The following MAGI2 variants were observed in gnomAD, a reference collection of about 807,000 sequenced individuals.
The protein encoded by MAGI2 is membrane-associated guanylate kinase, WW and PDZ domain-containing protein 2.
MAGI2 carries 35 observed loss-of-function variants against 133.3 expected under a neutral mutation model. The observed-to-expected ratio is 0.26, with a 90% confidence interval of 0.20 to 0.35. The LOEUF (loss-of-function observed/expected upper bound fraction) is 0.35, where lower values mean the gene tolerates loss of function less well. Among genes scored for constraint, MAGI2 ranks in the 10% least tolerant of loss-of-function variants. The pLI is 1.00. For synonymous variants in MAGI2, 729 were observed against 710.6 expected (o/e 1.03, Z -0.41); for missense variants, 1,636 against 1,863.4 (o/e 0.88, Z 2.25).
chr7:78,851,834 C>G (rs971094687), intron 2 of MAGI2, among the ~76,000 whole-genome samples: 125 of 152,250 alleles, frequency 8.2e-4, no homozygotes, highest in African/African-American at 2.9e-3. Context: ...CCTTTGCAAA[C>G]AGTGCAGCTA....
intron 1 of MAGI2, among the ~76,000 whole-genome samples, chr7:79,027,801 A>C (rs542735298): frequency 6.6e-6 from 1 of 152,278 alleles, no homozygotes; most frequent in South Asian, 2.1e-4. Flanking sequence ...TAGAATTATA[A>C]GTTGTCAATA....
chr7:79,274,497 T>G (rs6946286), intron 1 of MAGI2, among the ~76,000 whole-genome samples: 91,114 of 151,606 alleles, frequency 0.6, 29,129 homozygotes, highest in Non-Finnish European at 0.7. Flanking sequence ...AGGAACCAGA[T>G]TAGGAAATGT....
chr7:78,453,537 A>T (rs893418772), intron 6 of MAGI2, among the ~76,000 whole-genome samples: 1 of 152,102 alleles, frequency 6.6e-6, no homozygotes, highest in African/African-American at 2.4e-5. Context: ...TTTGCTCTGT[A>T]TGTGCCCTCA....
chr7:78,609,282 G>A (rs934256607), intron 3 of MAGI2, among the ~76,000 whole-genome samples: 35 of 152,108 alleles, frequency 2.3e-4, no homozygotes, highest in Admixed American at 1.1e-3. Context: ...TCCACTCCTT[G>A]TCAACTTGAA....
intron 20 of MAGI2, among the ~76,000 whole-genome samples, chr7:78,114,850 C>G (rs1442679732): frequency 6.6e-6 from 1 of 152,128 alleles, no homozygotes; most frequent in African/African-American, 2.4e-5. Context: ...AAGATAAGGA[C>G]GTATGCTACA....
intron 2 of MAGI2, among the ~76,000 whole-genome samples, chr7:78,717,534 A>T (rs540642990): frequency 8.5e-5 from 13 of 152,154 alleles, no homozygotes; most frequent in Admixed American, 5.9e-4. Context: ...CTAGCTGTGA[A>T]TGAACTTAGG....
At chr7:79,013,009 C>T (rs181858352) in intron 1 of MAGI2, among the ~76,000 whole-genome samples, 209 of 152,224 alleles carry the variant, frequency 1.4e-3, no homozygotes, top group Non-Finnish European at 3.1e-4. Flanking sequence ...GCCCCACCTC[C>T]TAATGTAATC....
chr7:79,009,911 AAC>A (rs1807868645), intron 1 of MAGI2, among the ~76,000 whole-genome samples: 1 of 152,174 alleles, frequency 6.6e-6, no homozygotes, highest in South Asian at 2.1e-4. Context: ...CAATGTCAGT[AAC>A]TACATATCTT....
intron 2 of MAGI2, among the ~76,000 whole-genome samples, chr7:78,741,411 ACACACACACACACACACGGG>A (rs1822415305): frequency 2.1e-5 from 3 of 145,852 alleles, no homozygotes; most frequent in African/African-American, 7.9e-5. Flanking sequence ...ACACACACAC[ACACACACACACACACACGGG>A]AGGGGGGTTA....
chr7:79,033,760 G>A (rs10254541), intron 1 of MAGI2, among the ~76,000 whole-genome samples: 11,985 of 152,146 alleles, frequency 0.079, 521 homozygotes, highest in African/African-American at 0.11. Flanking sequence ...TAATAAGGGC[G>A]GGGCTTTTGG....
intron 2 of MAGI2, among the ~76,000 whole-genome samples, chr7:78,786,178 CCT>C (rs1359224224): frequency 6.6e-6 from 1 of 152,050 alleles, no homozygotes; most frequent in African/African-American, 2.4e-5. Context: ...ATCCTTGCCT[CCT>C]CTCTGTCTCT....
chr7:79,106,147 C>T (rs951472717), intron 1 of MAGI2, among the ~76,000 whole-genome samples: 2 of 152,104 alleles, frequency 1.3e-5, no homozygotes, highest in African/African-American at 2.4e-5. Context: ...TTGATACATG[C>T]AGCAAATTGG....
intron 10 of MAGI2, among the ~76,000 whole-genome samples, chr7:78,249,146 ATC>A (rs1017586857): frequency 1.3e-5 from 2 of 152,172 alleles, no homozygotes; most frequent in African/African-American, 4.8e-5. Flanking sequence ...GGAAATACAA[ATC>A]AAAACCACAG....
intron 2 of MAGI2, among the ~76,000 whole-genome samples, chr7:78,633,849 TTCA>T (rs144741295): frequency 6.4e-4 from 98 of 152,268 alleles, no homozygotes; most frequent in Non-Finnish European, 9.4e-4. Flanking sequence ...ATAAAAACAG[TTCA>T]TCATCGATTT....
At chr7:78,056,335 TATAAATC>T (rs1193180712) in intron 21 of MAGI2, among the ~76,000 whole-genome samples, 1 of 152,224 alleles carries the variant, frequency 6.6e-6, no homozygotes. Context: ...CCCAAAGGAA[TATAAATC>T]ATTCTATTAT....
intron 2 of MAGI2, among the ~76,000 whole-genome samples, chr7:78,864,297 C>A (rs1416117609): frequency 6.6e-6 from 1 of 152,172 alleles, no homozygotes; most frequent in Non-Finnish European, 1.5e-5. Flanking sequence ...CTCTCAAATG[C>A]AGACACCTCC....
intron 9 of MAGI2, among the ~76,000 whole-genome samples, chr7:78,259,482 C>T (rs922811951): frequency 2.6e-5 from 4 of 152,164 alleles, no homozygotes; most frequent in Non-Finnish European, 5.9e-5. Flanking sequence ...GAAAGGGTTT[C>T]TAAGCTGTAA....
Position 78,627,130 on chromosome 7 carries a change from C to A in MAGI2, c.528G>T (p.Gly176=). The change falls in exon 3 of 22, where the codon GGG becomes GGT. Residue 176 remains glycine (G), a synonymous_variant. Coordinates refer to ENST00000354212, the MANE Select transcript of MAGI2 (RefSeq NM_012301.4). ...LEKSGALLES[G]TYEDNYYGTP... is the part of the protein sequence containing the mutation. ...GAACGTTGTGCTTACCTTCATAAGT[C>A]CCACTTTCTAGGAGAGCACCACTTT... 6.3e-7 allele frequency: 1 copy of A among 1,582,790 alleles called. No homozygotes were observed. The highest frequency in any genetic ancestry group is 1.2e-5 in the South Asian group (1 of 85,728).
At chr7:78,327,170 C>T (rs552637273) in intron 9 of MAGI2, among the ~76,000 whole-genome samples, 1 of 152,322 alleles carries the variant, frequency 6.6e-6, no homozygotes, top group South Asian at 2.1e-4. Context: ...GCCCAGCAGG[C>T]AGCTCTCTTG....
Sources: allele counts gnomAD v4.1 joint callset (sites outside exome capture counted in the v4.1 genomes callset), GRCh38; gene constraint gnomAD v4.1.1; transcripts MANE v1.5; gene names NCBI Gene and HGNC (gene_info 2026-07-23, HGNC 2026-07-21).